The following STRBP variants were observed in gnomAD, a reference collection of about 807,000 sequenced individuals.
STRBP encodes the protein spermatid perinuclear RNA binding protein, also known as spermatid perinuclear RNA-binding protein.
In STRBP, 13 loss-of-function variants were observed where a neutral mutation model predicts 80.1. That is an observed-to-expected ratio of 0.16 (90% CI 0.11 to 0.26). STRBP has a LOEUF of 0.26. Among genes scored for constraint, STRBP ranks in the 10% least tolerant of loss-of-function variants. STRBP has a pLI of 1.00. For missense variants in STRBP, 485 were observed against 815.2 expected (o/e 0.59, Z 4.93); for synonymous variants, 284 against 291.2 (o/e 0.98, Z 0.25).
intron 1 of STRBP, among the ~76,000 whole-genome samples, chr9:123,243,803 T>C (rs544977368): frequency 1.3e-5 from 2 of 152,184 alleles, no homozygotes; most frequent in African/African-American, 4.8e-5. Flanking sequence ...ATGGTTAAAA[T>C]AAAAAATAAT....
chr9:123,143,667 T>C (rs76052172), intron 13 of STRBP, among the ~76,000 whole-genome samples: 2,788 of 152,308 alleles, frequency 0.018, 87 homozygotes, highest in African/African-American at 0.063. Context: ...TAATGAATCA[T>C]TAAAATGTAT....
downstream of STRBP, chr9:123,121,515 G>A (rs945887956): frequency 9.9e-5 from 15 of 152,042 alleles, no homozygotes; most frequent in African/African-American, 3.6e-4. Context: ...CTGCAGACTC[G>A]ATATTCACCA....
chr9:123,236,612 C>G (rs964204325), intron 2 of STRBP, among the ~76,000 whole-genome samples: 61 of 144,982 alleles, frequency 4.2e-4, no homozygotes, highest in African/African-American at 1.5e-3. Context: ...AGAAAGGATA[C>G]AAGAGTAGTG....
At chr9:123,191,224 A>T (rs1393301162) in intron 2 of STRBP, among the ~76,000 whole-genome samples, 5 of 152,194 alleles carry the variant, frequency 3.3e-5, no homozygotes, top group Non-Finnish European at 1.5e-5. Context: ...TTTAACAGAT[A>T]GTCAAGGGTT....
At chr9:123,267,949 CT>C (rs2041311322) in intron 1 of STRBP, among the ~76,000 whole-genome samples, 1 of 150,942 alleles carries the variant, frequency 6.6e-6, no homozygotes, top group Non-Finnish European at 1.5e-5. Flanking sequence ...TGCCTGAAGG[CT>C]CTCCTCCTCC....
chr9:123,184,609 T>A (rs77369706), intron 2 of STRBP, among the ~76,000 whole-genome samples: 2,171 of 152,296 alleles, frequency 0.014, 54 homozygotes, highest in African/African-American at 0.049. Flanking sequence ...CTACCACTGA[T>A]GGCAACAAGT....
At chr9:123,251,363 C>G (rs750641570) in intron 1 of STRBP, among the ~76,000 whole-genome samples, 2 of 152,060 alleles carry the variant, frequency 1.3e-5, no homozygotes, top group Non-Finnish European at 2.9e-5. Context: ...CCCTCAAGAC[C>G]CCACAAAGTA....
rs958120864 is a variant in STRBP at position 123,247,246 on chromosome 9, A to C, written c.-301-10280T>G. 4.6e-5 allele frequency among the ~76,000 whole-genome samples: 7 copies of C among 152,270 alleles called. No individual in the cohort carries two copies. In the East Asian group the frequency reaches 1.2e-3, roughly 25 times the overall value. On this transcript the variant is annotated intron_variant, in intron 1 of 18. Transcript: ENST00000348403. ...AATGGAAAGGTAACAGAAGACAGAG[A>C]GGTGGATTCAAATCCCAGCTGTACT... is the stretch of plus-strand genomic sequence containing the variant.
chr9:123,188,112 A>G (rs2038775366), intron 2 of STRBP, among the ~76,000 whole-genome samples: 1 of 152,124 alleles, frequency 6.6e-6, no homozygotes, highest in Non-Finnish European at 1.5e-5. Context: ...TAGTTGGAAT[A>G]ATATATCATA....
chr9:123,163,971 T>C (rs1300664267), intron 6 of STRBP, among the ~76,000 whole-genome samples: 1 of 152,200 alleles, frequency 6.6e-6, no homozygotes, highest in East Asian at 1.9e-4. Flanking sequence ...AGAAACAGCA[T>C]GGGAGGCAGG....
rs1376239192 is a variant in STRBP at position 123,159,106 on chromosome 9, T to C, written c.825A>G (p.Ile275Met). 2.5e-6 allele frequency: 4 copies of C among 1,612,930 alleles called. No homozygotes were observed. Among genetic ancestry groups the C allele is most frequent in the Non-Finnish European group, 3.4e-6 (4 of 1,179,036 alleles). The change falls in exon 9 of 19, where the codon ATA becomes ATG. Residue 275 changes from isoleucine (I) to methionine (M), a missense_variant. Physicochemically the swap from Ile to Met is conservative, Grantham distance 10 (BLOSUM62 1). This residue lies in a region of STRBP where 377 missense variants were observed against 616.1 expected (regional missense o/e 0.61). Transcript: ENST00000348403. ...GTTTGAAACCCTTACCAGGAAGTAGTATTCCAGATGCCAAACACTCCATTA... is the reference window on the plus strand; with the variant it reads ...GTTTGAAACCCTTACCAGGAAGTAGCATTCCAGATGCCAAACACTCCATTA... ...RRVMECLASGILLPGGPGLHD... is the reference protein window; with the variant it reads ...RRVMECLASGMLLPGGPGLHD...
At chr9:123,144,197 C>CAAAAAAAAAAAA (rs957671357) in intron 13 of STRBP, among the ~76,000 whole-genome samples, 1 of 69,064 alleles carries the variant, frequency 1.4e-5, no homozygotes. Context: ...GACTCCGTCT[C>CAAAAAAAAAAAA]AAAAAAAAAA....
At chr9:123,162,400 T>C (rs545574001) in intron 6 of STRBP, among the ~76,000 whole-genome samples, 16 of 152,080 alleles carry the variant, frequency 1.1e-4, no homozygotes, top group Non-Finnish European at 2.2e-4. Context: ...AATTTTTTTG[T>C]AGATATGGGA....
At position 123,128,249 on chromosome 9, in the gene STRBP, G is replaced by A; in HGVS notation, c.1907C>T (p.Thr636Ile). The A allele has an allele frequency of 3.1e-6, 5 of 1,614,178 alleles. No homozygotes were observed. The highest frequency in any genetic ancestry group is 4.2e-6 in the Non-Finnish European group (5 of 1,180,020). The part of the protein sequence containing the change: ...APGYIAPGYG[T>I]PYGYSTAAPA... ...GGCAGCTGTGCTGTAACCATATGGT[G>A]TTCCATAGCCTAGTGCAAAGAAGAA... The change falls in exon 18 of 19, where the codon ACA becomes ATA. Residue 636 changes from threonine (T) to isoleucine (I), a missense_variant. Thr to Ile is a moderately conservative substitution (Grantham distance 89). Coordinates refer to ENST00000348403, the MANE Select transcript of STRBP (RefSeq NM_018387.5).
At chr9:123,231,354 C>T (rs985359919) in intron 2 of STRBP, among the ~76,000 whole-genome samples, 1 of 152,316 alleles carries the variant, frequency 6.6e-6, no homozygotes, top group Non-Finnish European at 1.5e-5. Context: ...TCAGTATCTT[C>T]TTTCCCAAAC....
chr9:123,128,127 T>A (rs1221727000), intron 18 of STRBP, 87 bp downstream of exon 18: 2 of 1,499,812 alleles, frequency 1.3e-6, no homozygotes, highest in Non-Finnish European at 1.9e-6. Flanking sequence ...ATCCTCCAAT[T>A]AATTTACAAA....
chr9:123,192,730 T>C lies in STRBP; in HGVS notation c.-164-8432A>G, dbSNP rs546071306. ...TGTATACCACTGTGTAAAGTTGTTT[T>C]ACTATGTTTTACCATTTACGGGGAT... On this transcript the variant is annotated intron_variant, in intron 2 of 18. Transcript: ENST00000348403. 2.6e-5 allele frequency among the ~76,000 whole-genome samples: 4 copies of C among 152,346 alleles called. No individual in the cohort carries two copies. The South Asian group carries it at 6.2e-4, about 24-fold the overall frequency.
In STRBP at chr9:123,136,027, A is replaced by G. The variant is rs1588462021; in HGVS notation, c.1773+14T>C. Reference sequence around the variant, plus strand: ...TTTTCACAGGTTCTGCAAAGGTTTAATGTTTACTCATACCTGAGGGATAAT... The same window carrying G: ...TTTTCACAGGTTCTGCAAAGGTTTAGTGTTTACTCATACCTGAGGGATAAT... On this transcript the variant is annotated intron_variant, in intron 16 of 18. Coordinates refer to ENST00000348403, the MANE Select transcript of STRBP (RefSeq NM_018387.5). The surrounding 1 kb of genome is among the most constrained non-coding windows in gnomAD (Gnocchi z 4.2). 6.2e-7 allele frequency: 1 copy of G among 1,613,762 alleles called. No individual in the cohort carries two copies. Among genetic ancestry groups the G allele is most frequent in the Non-Finnish European group, 8.5e-7 (1 of 1,179,884 alleles).
intron 2 of STRBP, among the ~76,000 whole-genome samples, chr9:123,198,454 A>G (rs1014841454): frequency 1.6e-4 from 24 of 151,990 alleles, no homozygotes; most frequent in African/African-American, 5.5e-4. Context: ...CTGCTTTTTA[A>G]TGGGATTTTT....
Sources: allele counts gnomAD v4.1 joint callset (sites outside exome capture counted in the v4.1 genomes callset), GRCh38; gene constraint gnomAD v4.1.1; regional missense constraint gnomAD v4.1.1; non-coding constraint Gnocchi (gnomAD v3.1); transcripts MANE v1.5; gene names NCBI Gene and HGNC (gene_info 2026-07-23, HGNC 2026-07-21).